Variants in AHCY observed in about 807,000 individuals in gnomAD.
AHCY encodes the protein adenosylhomocysteinase.
Under a neutral mutation model 45.4 loss-of-function variants are expected in AHCY, and 24 were observed. That is an observed-to-expected ratio of 0.53 (90% CI 0.38 to 0.74). AHCY has a LOEUF of 0.74. Among genes scored for constraint, AHCY ranks in the 30% least tolerant of loss-of-function variants. AHCY has a pLI of 0.00. For missense variants in AHCY, 449 were observed against 594.1 expected (o/e 0.76, Z 2.54); for synonymous variants, 245 against 235.1 (o/e 1.04, Z -0.39).
At chr20:34,306,670 G>T (rs967788924), upstream of AHCY, among the ~76,000 whole-genome samples, 1 of 152,110 alleles carries the variant, frequency 6.6e-6, no homozygotes, top group African/African-American at 2.4e-5. Context: ...CGCCCAGCCA[G>T]GTTCTTTTAA....
upstream of AHCY, chr20:34,303,483 A>T (rs573429371): frequency 7.0e-5 from 51 of 727,420 alleles, no homozygotes; most frequent in African/African-American, 8.0e-4. Flanking sequence ...AAGCCTCAGA[A>T]TTTCACAAGG....
At chr20:34,297,819 TC>T (rs1375329499) in intron 1 of AHCY, among the ~76,000 whole-genome samples, 2 of 151,878 alleles carry the variant, frequency 1.3e-5, no homozygotes, top group Non-Finnish European at 2.9e-5. Flanking sequence ...ATCTACAGCT[TC>T]AGACCAGGCA....
downstream of AHCY, among the ~76,000 whole-genome samples, chr20:34,278,934 C>G (rs2035936454): frequency 6.6e-6 from 1 of 151,378 alleles, no homozygotes; most frequent in Non-Finnish European, 1.5e-5. Context: ...CATGGTGAAA[C>G]CCTGTCTCTA....
chr20:34,297,301 A>T (rs2036606372), intron 1 of AHCY, among the ~76,000 whole-genome samples: 1 of 151,918 alleles, frequency 6.6e-6, no homozygotes. Flanking sequence ...TAATTAATTA[A>T]TTATTTTAGA....
the AHCY span, among the ~76,000 whole-genome samples, chr20:34,262,258 C>A: frequency 6.6e-6 from 1 of 152,206 alleles, no homozygotes; most frequent in South Asian, 2.1e-4. Context: ...CAAGACAATA[C>A]TGCAAGGCAG....
rs1304951009 is a variant in AHCY, at chr20:34,292,505, A to G, written c.298T>C (p.Tyr100His). ...TCGTCCGTTTCGCCCTTCCAGGCAT[A>G]CACTGGAGGGTGAGTGGCACATCAG... Reference protein sequence around the residue: ...AAIAKAGIPVYAWKGETDEEY... With the variant: ...AAIAKAGIPVHAWKGETDEEY... The change falls in exon 4 of 10, where the codon TAT becomes CAT. Residue 100 changes from tyrosine (Y) to histidine (H), a missense_variant and splice_region_variant. Transcript: ENST00000217426. 6.2e-7 allele frequency: 1 copy of G among 1,614,024 alleles called. No homozygotes were observed. Among genetic ancestry groups the G allele is most frequent in the South Asian group, 1.1e-5 (1 of 91,078 alleles).
At chr20:34,296,147 T>C (rs2036572334) in intron 1 of AHCY, among the ~76,000 whole-genome samples, 3 of 152,194 alleles carry the variant, frequency 2.0e-5, no homozygotes. Context: ...TTGGCCTCTC[T>C]GCCCCAGGGG....
the AHCY span, among the ~76,000 whole-genome samples, chr20:34,273,180 G>A: frequency 6.6e-6 from 1 of 150,682 alleles, no homozygotes; most frequent in Non-Finnish European, 1.5e-5. Flanking sequence ...GGGGCTGAAA[G>A]TCCCAACCCC....
intron 1 of AHCY, among the ~76,000 whole-genome samples, chr20:34,309,858 G>GAAGGAGGGAGGGAGAA (rs1409383516): frequency 6.6e-6 from 1 of 150,908 alleles, no homozygotes; most frequent in Non-Finnish European, 1.5e-5. Flanking sequence ...AGGACAGAAG[G>GAAGGAGGGAGGGAGAA]AAGGAGGGAG....
chr20:34,280,308 T>G lies in AHCY; in HGVS notation c.*726A>C, dbSNP rs1325300803. 1 of 152,256 alleles carries G rather than the reference T, an allele frequency of 6.6e-6. No individual in the cohort carries two copies. Among genetic ancestry groups the G allele is most frequent in the African/African-American group, 2.4e-5 (1 of 41,456 alleles). 9.4% of individuals were successfully genotyped at this position (152,256 alleles called of 1,614,324 possible). Reference sequence around the variant, plus strand: ...TTTTTATTTACCCACCTTCCTGCTTTCTTTTAACATTATAGGCCAAATTAT... The same window carrying G: ...TTTTTATTTACCCACCTTCCTGCTTGCTTTTAACATTATAGGCCAAATTAT... On this transcript the variant is annotated 3_prime_UTR_variant, in exon 10 of 10. Transcript: ENST00000217426.
chr20:34,285,488 C>A lies in AHCY; in HGVS notation c.1119G>T (p.Trp373Cys). The change falls in exon 9 of 10, where the codon TGG becomes TGT. Residue 373 changes from tryptophan (W) to cysteine (C), a missense_variant. Trp to Cys is a radical substitution (Grantham distance 215). Coordinates refer to ENST00000217426, the MANE Select transcript of AHCY (RefSeq NM_000687.4). ...TNQVMAQIEL[W>C]THPDKYPVGV... ...CAACGGGGTACTTGTCTGGATGGGT[C>A]CACAGCTCGATCTGCGCCATCACCT... The A allele has an allele frequency of 6.2e-7, 1 of 1,614,076 alleles. No individual in the cohort carries two copies. The highest frequency in any genetic ancestry group is 8.5e-7 in the Non-Finnish European group (1 of 1,179,956).
upstream of AHCY, among the ~76,000 whole-genome samples, chr20:34,304,299 G>A (rs556842422): frequency 2.6e-5 from 4 of 152,130 alleles, no homozygotes; most frequent in Admixed American, 6.6e-5. Flanking sequence ...GCATGGGAAG[G>A]GGAAATTGGT....
At chr20:34,235,392 A>G in the AHCY span, among the ~76,000 whole-genome samples, 1 of 152,180 alleles carries the variant, frequency 6.6e-6, no homozygotes, top group South Asian at 2.1e-4. Flanking sequence ...GTGAGCCGAG[A>G]TCATGCCATT....
At chr20:34,261,850 C>T in the AHCY span, among the ~76,000 whole-genome samples, 1 of 152,108 alleles carries the variant, frequency 6.6e-6, no homozygotes, top group Non-Finnish European at 1.5e-5. Flanking sequence ...CGGTGGCTCA[C>T]ACCTCTAATC....
Position 34,281,107 on chromosome 20 carries a change from A to G in AHCY, c.1226T>C (p.Leu409Pro). 1 of 1,614,144 alleles carries G rather than the reference A, an allele frequency of 6.2e-7. No individual in the cohort carries two copies. Among genetic ancestry groups the G allele is most frequent in the Non-Finnish European group, 8.5e-7 (1 of 1,180,044 alleles). The part of the protein sequence containing the change: ...LGKLNVKLTK[L>P]TEKQAQYLGM... ...CAGGTACTGGGCTTGCTTCTCAGTT[A>G]GCTTGGTCAACTTCACATTCAGCTT... Residue 409 changes from leucine (L) to proline (P), a missense_variant, in exon 10 of 10, where the codon CTA (leucine) becomes CCA (proline). Leu to Pro is a moderately conservative substitution (Grantham distance 98). Transcript: ENST00000217426.
the AHCY span, among the ~76,000 whole-genome samples, chr20:34,255,659 C>CT: frequency 6.6e-6 from 1 of 152,118 alleles, no homozygotes; most frequent in Non-Finnish European, 1.5e-5. Flanking sequence ...CAATTATAAC[C>CT]TAGGAAAAAC....
chr20:34,269,022 C>G, the AHCY span: 47 of 1,608,052 alleles, frequency 2.9e-5, no homozygotes, highest in Non-Finnish European at 3.8e-5. Context: ...GTGGTGCGGC[C>G]CCGGACCCCC....
chr20:34,255,075 A>G, the AHCY span, among the ~76,000 whole-genome samples: 4 of 152,168 alleles, frequency 2.6e-5, no homozygotes, highest in African/African-American at 7.2e-5. Context: ...TAGTGTTTAC[A>G]TTAGGCTTAT....
chr20:34,273,450 C>A, the AHCY span, among the ~76,000 whole-genome samples: 1 of 152,140 alleles, frequency 6.6e-6, no homozygotes, highest in Non-Finnish European at 1.5e-5. Flanking sequence ...TGCCTGTAAT[C>A]CCAGAACGGT....
Sources: allele counts gnomAD v4.1 joint callset (sites outside exome capture counted in the v4.1 genomes callset), GRCh38; gene constraint gnomAD v4.1.1; transcripts MANE v1.5; gene names NCBI Gene and HGNC (gene_info 2026-07-23, HGNC 2026-07-21).